The following TNIK variants were observed in gnomAD, a reference collection of about 807,000 sequenced individuals.
TNIK encodes TRAF2 and NCK-interacting protein kinase.
A neutral mutation model predicts 191.3 loss-of-function variants in TNIK; 49 were observed. That is an observed-to-expected ratio of 0.26 (90% CI 0.20 to 0.32). The LOEUF is 0.32. Among genes scored for constraint, TNIK ranks in the 10% least tolerant of loss-of-function variants. The pLI, the probability that TNIK is intolerant of heterozygous loss-of-function variation, is 1.00. For synonymous variants in TNIK, 594 were observed against 600.9 expected (o/e 0.99, Z 0.17); for missense variants, 1,155 against 1,702.3 (o/e 0.68, Z 5.66).
At chr3:171,125,567 C>A (rs1202077027) in intron 17 of TNIK, among the ~76,000 whole-genome samples, 2 of 152,274 alleles carry the variant, frequency 1.3e-5, no homozygotes, top group East Asian at 3.9e-4. Context: ...TTTCAATTGT[C>A]TTGATGTAGA....
chr3:171,059,099 T>C lies in TNIK; in HGVS notation c.*4782A>G, dbSNP rs1403052385. On this transcript the variant is annotated 3_prime_UTR_variant, in exon 33 of 33. Transcript: ENST00000436636. ...CATTTGCTCAGCCTCAATAGTGCAA[T>C]GCAACTTGGTGCTGATAAAAATAAA... 6.6e-6 allele frequency among the ~76,000 whole-genome samples: 1 copy of C among 152,210 alleles called. No individual in the cohort carries two copies. The highest frequency in any genetic ancestry group is 1.5e-5 in the Non-Finnish European group (1 of 68,028).
chr3:171,173,219 C>CT (rs1366632405), intron 9 of TNIK, among the ~76,000 whole-genome samples: 4 of 81,874 alleles, frequency 4.9e-5, no homozygotes, highest in Non-Finnish European at 9.9e-5. Flanking sequence ...CCTGTCTCTA[C>CT]TAAAAAAAAA....
chr3:171,300,793 G>A (rs1179985059), intron 2 of TNIK, among the ~76,000 whole-genome samples: 1 of 152,024 alleles, frequency 6.6e-6, no homozygotes, highest in Non-Finnish European at 1.5e-5. Flanking sequence ...AGGCAGAAAG[G>A]GCACAAAGAT....
intron 20 of TNIK, among the ~76,000 whole-genome samples, chr3:171,107,428 G>A (rs977387680): frequency 1.3e-5 from 2 of 151,954 alleles, no homozygotes; most frequent in African/African-American, 2.4e-5. Context: ...AAAGCTTCAC[G>A]TTCATTTTAC....
intron 1 of TNIK, among the ~76,000 whole-genome samples, chr3:171,407,897 T>C (rs1304756157): frequency 6.6e-6 from 1 of 152,184 alleles, no homozygotes; most frequent in Non-Finnish European, 1.5e-5. Flanking sequence ...CGTGGCTGCT[T>C]CCCGTCTTCA....
At chr3:171,447,255 C>G (rs1345623401) in intron 1 of TNIK, among the ~76,000 whole-genome samples, 1 of 151,306 alleles carries the variant, frequency 6.6e-6, no homozygotes, top group East Asian at 1.9e-4. Flanking sequence ...ACAAGAATGT[C>G]ACTGTTAATC....
intron 2 of TNIK, among the ~76,000 whole-genome samples, chr3:171,261,752 C>G (rs1380390365): frequency 6.6e-6 from 1 of 152,152 alleles, no homozygotes; most frequent in African/African-American, 2.4e-5. Context: ...GGGCGAGGCA[C>G]CCTCTTCTAA....
intron 10 of TNIK, among the ~76,000 whole-genome samples, chr3:171,162,491 G>A (rs780739886): frequency 2.1e-4 from 32 of 152,194 alleles, no homozygotes; most frequent in Non-Finnish European, 2.8e-4. Context: ...ATCCACTAGG[G>A]ACAGTCCTTT....
At chr3:171,286,247 T>C (rs1413346091) in intron 2 of TNIK, among the ~76,000 whole-genome samples, 1 of 152,192 alleles carries the variant, frequency 6.6e-6, no homozygotes, top group African/African-American at 2.4e-5. Context: ...AACAGATATC[T>C]GAGGAGTCCC....
intron 18 of TNIK, among the ~76,000 whole-genome samples, chr3:171,111,807 ATC>A (rs984964516): frequency 3.3e-5 from 5 of 152,228 alleles, no homozygotes; most frequent in African/African-American, 1.2e-4. Flanking sequence ...AATGTGATAT[ATC>A]TCTCTCTCAA....
At chr3:171,124,159 G>A (rs1278633595) in intron 17 of TNIK, among the ~76,000 whole-genome samples, 3 of 152,132 alleles carry the variant, frequency 2.0e-5, no homozygotes, top group Non-Finnish European at 4.4e-5. Flanking sequence ...CATGAAATCT[G>A]GTGAGAAACT....
At chr3:171,261,676 C>A (rs1384508373) in intron 2 of TNIK, among the ~76,000 whole-genome samples, 2 of 152,172 alleles carry the variant, frequency 1.3e-5, no homozygotes, top group Non-Finnish European at 2.9e-5. Context: ...AAATATGACT[C>A]ATTCATTCAA....
intron 2 of TNIK, among the ~76,000 whole-genome samples, chr3:171,310,359 A>C (rs1485584506): frequency 6.6e-6 from 1 of 152,126 alleles, no homozygotes; most frequent in Non-Finnish European, 1.5e-5. Context: ...CAAGATTATG[A>C]GATTTACAGT....
chr3:171,140,820 CA>C (rs1255306763), intron 12 of TNIK, among the ~76,000 whole-genome samples: 1 of 152,110 alleles, frequency 6.6e-6, no homozygotes, highest in Non-Finnish European at 1.5e-5. Flanking sequence ...AACACCAATG[CA>C]AAACAGGTTA....
At chr3:171,439,558 A>C (rs1726495029) in intron 1 of TNIK, 1 of 152,126 alleles carries the variant, frequency 6.6e-6, no homozygotes, top group South Asian at 2.1e-4. Flanking sequence ...CACAAAGTAT[A>C]TTAGCTATAA....
chr3:171,183,130 G>T (rs1450141445), intron 7 of TNIK, among the ~76,000 whole-genome samples: 2 of 152,174 alleles, frequency 1.3e-5, no homozygotes, highest in Non-Finnish European at 1.5e-5. Context: ...CTCAGTGGTG[G>T]TCAAAGAGGT....
At chr3:171,102,578 T>C (rs1046411740) in intron 21 of TNIK, among the ~76,000 whole-genome samples, 3 of 152,184 alleles carry the variant, frequency 2.0e-5, no homozygotes, top group African/African-American at 7.2e-5. Context: ...AAACTGCCCA[T>C]GGCACACAGC....
At chr3:171,211,521 G>A (rs747506893) in intron 3 of TNIK, among the ~76,000 whole-genome samples, 2 of 152,074 alleles carry the variant, frequency 1.3e-5, no homozygotes, top group Non-Finnish European at 2.9e-5. Flanking sequence ...AAGAGATCAA[G>A]GTAGAAAGAC....
intron 22 of TNIK, among the ~76,000 whole-genome samples, chr3:171,096,117 C>T (rs1722680592): frequency 6.6e-6 from 1 of 152,140 alleles, no homozygotes; most frequent in South Asian, 2.1e-4. Context: ...TCCATGAGGG[C>T]AGCCACTTTT....
Sources: allele counts gnomAD v4.1 joint callset (sites outside exome capture counted in the v4.1 genomes callset), GRCh38; gene constraint gnomAD v4.1.1; transcripts MANE v1.5; gene names NCBI Gene and HGNC (gene_info 2026-07-23, HGNC 2026-07-21).